PFAS: variants seen among roughly 807,000 people sequenced by gnomAD.
PFAS encodes the protein phosphoribosylformylglycinamidine synthase, also known as FGAM synthase.
Under a neutral mutation model 140.6 loss-of-function variants are expected in PFAS, and 97 were observed. That is an observed-to-expected ratio of 0.69 (90% CI 0.59 to 0.82). PFAS has a LOEUF of 0.82. PFAS is among the 40% of genes least tolerant of loss of function. The pLI, the probability that PFAS is intolerant of heterozygous loss-of-function variation, is 0.00. For synonymous variants in PFAS, 679 were observed against 718.8 expected, an observed-to-expected ratio of 0.94 and a Z score of 0.88; for missense variants, 1,656 against 1,780.2, an observed-to-expected ratio of 0.93 and a Z score of 1.26.
rs1448699383 is a variant in PFAS, at chr17:8,268,667, G to A, written c.3517G>A (p.Asp1173Asn). The change falls in exon 27 of 28, where the codon GAC (aspartate) becomes AAC (asparagine). Residue 1173 changes from aspartate to asparagine, a missense_variant. Around this residue, in one of 2 missense-constraint regions of PFAS, gnomAD observed 883 missense variants for 1,023.0 expected, o/e 0.86. Coordinates refer to ENST00000314666, the MANE Select transcript of PFAS (RefSeq NM_012393.3). ...GGCTCTGCTCGGCTGGGTGGGAGGC[G>A]ACCCCAATGAGGATGCTGCAGAGAT... ...LLALLGWVGGDPNEDAAEMGP... is the reference protein window; with the variant it reads ...LLALLGWVGGNPNEDAAEMGP... 22 of 1,613,510 alleles carry A rather than the reference G, an allele frequency of 1.4e-5. No homozygotes were observed. The Admixed American group carries it at 2.0e-4, about 15-fold the overall frequency.
chr17:8,248,062 AG>A (rs527394160), upstream of PFAS: 749 of 467,718 alleles, frequency 1.6e-3, 1 homozygote, highest in African/African-American at 0.032. Context: ...CGCCCCCGGG[AG>A]GGGCAGGTGC....
chr17:8,267,899 A>G lies in PFAS; in HGVS notation c.3382+234A>G, dbSNP rs887494904. On this transcript the variant is annotated intron_variant, in intron 26 of 27. Transcript: ENST00000314666. This position sits in a 1 kb window ranked among gnomAD's most constrained non-coding sequence, Gnocchi z 4.9. ...TTAAAATATATATTATTAAATATAT[A>G]TTATTTATATATATTATTTATATAT... 2.8e-5 allele frequency among the ~76,000 whole-genome samples: 3 copies of G among 105,758 alleles called. No individual in the cohort carries two copies. Among genetic ancestry groups the G allele is most frequent in the African/African-American group, 8.2e-5 (3 of 36,376 alleles). 69.4% of individuals were successfully genotyped at this position (105,758 alleles called of 152,430 possible). A position where few individuals can be genotyped will look rare whatever the true frequency, so the allele number is the denominator to read the frequency against.
rs1240588023 is a variant in PFAS at position 8,268,993 on chromosome 17, T to C, written c.3746T>C (p.Ile1249Thr). 2 of 1,614,186 alleles carry C rather than the reference T, an allele frequency of 1.2e-6. No individual in the cohort carries two copies. The highest frequency in any genetic ancestry group is 8.5e-7 in the Non-Finnish European group (1 of 1,180,020). Residue 1249 changes from isoleucine (I) to threonine (T), a missense_variant, in exon 28 of 28, where the codon ATT becomes ACT. Physicochemically the swap from Ile to Thr is moderately conservative, Grantham distance 89 (BLOSUM62 -1). Coordinates refer to ENST00000314666, the MANE Select transcript of PFAS (RefSeq NM_012393.3). ...AFSSPELQAQ[I>T]EARGLAPLHW... is the part of the protein sequence containing the mutation. Reference sequence around the variant, plus strand: ...TCTTCTCCGGAACTCCAAGCTCAGATTGAGGCCAGGGGCTTGGCTCCACTG... The same window carrying C: ...TCTTCTCCGGAACTCCAAGCTCAGACTGAGGCCAGGGGCTTGGCTCCACTG...
rs752434101 is a variant in PFAS, at chr17:8,264,941, G to C, written c.2096G>C (p.Gly699Ala). Reference sequence around the variant, plus strand: ...CTGGTGGCCCAGCAGCAGTGCGTGGGGCCCCTGCAAACTCCTCTGGCAGAT... The same window carrying C: ...CTGGTGGCCCAGCAGCAGTGCGTGGCGCCCCTGCAAACTCCTCTGGCAGAT... ...GGLVAQQQCV[G>A]PLQTPLADVA... Residue 699 changes from glycine (G) to alanine (A), a missense_variant, in exon 18 of 28, where the codon GGG becomes GCG. Transcript: ENST00000314666. 1 of 1,608,298 alleles carries C rather than the reference G, an allele frequency of 6.2e-7. No homozygotes were observed. The highest frequency in any genetic ancestry group is 8.5e-7 in the Non-Finnish European group (1 of 1,176,644).
At chr17:8,257,577 G>A (rs1220364902) in intron 9 of PFAS, among the ~76,000 whole-genome samples, 1 of 152,022 alleles carries the variant, frequency 6.6e-6, no homozygotes, top group African/African-American at 2.4e-5. Context: ...CAGAAAGCCT[G>A]TGTAACTCTG....
Position 8,255,130 on chromosome 17 carries a change from T to G in PFAS, c.382T>G (p.Ser128Ala). 1 of 1,604,188 alleles carries G rather than the reference T, an allele frequency of 6.2e-7. No homozygotes were observed. The highest frequency in any genetic ancestry group is 8.5e-7 in the Non-Finnish European group (1 of 1,172,152). The change falls in exon 4 of 28, where the codon TCG becomes GCG. Residue 128 changes from serine to alanine, a missense_variant and splice_region_variant. Ser to Ala is a moderately conservative substitution (Grantham distance 99, BLOSUM62 1). Coordinates refer to ENST00000314666, the MANE Select transcript of PFAS (RefSeq NM_012393.3). The part of the protein sequence containing the change: ...RVETTRRYRL[S>A]FAHPPSAEVE... ...GGAGACCACCCGGCGCTACCGGCTC[T>G]CGGTGAGGTGATGGGGAATCAGGAG...
Position 8,255,814 on chromosome 17 carries a change from T to G in PFAS, c.584T>G (p.Leu195Ter). The change falls in exon 6 of 28, where the codon TTA becomes TGA. Residue 195 changes from leucine to a stop codon, truncating the protein, a stop_gained. Transcript: ENST00000314666. LOFTEE classifies it high-confidence loss of function. ...TGGATTTGTCTCCTAGGTCTGGCTT[T>G]AGACTCTTGGGACCTAGACTTCTAC... ...EKANQELGLA[L>*]DSWDLDFYTK... The G allele has an allele frequency of 6.2e-7, 1 of 1,613,944 alleles. No individual in the cohort carries two copies. The highest frequency in any genetic ancestry group is 1.1e-5 in the South Asian group (1 of 91,084).
At chr17:8,255,976 A>G in intron 6 of PFAS, 66 bp downstream of exon 6, 1 of 1,239,144 alleles carries the variant, frequency 8.1e-7, no homozygotes, top group Non-Finnish European at 1.2e-6. Flanking sequence ...ACAGGGGCTC[A>G]CCTTCATGTT....
rs1162684948 is a variant in PFAS at position 8,264,937 on chromosome 17, G to A, written c.2092G>A (p.Val698Met). 3.7e-6 allele frequency: 6 copies of A among 1,607,072 alleles called. No homozygotes were observed. Among genetic ancestry groups the A allele is most frequent in the African/African-American group, 2.7e-5 (2 of 74,818 alleles). Residue 698 changes from valine (V) to methionine (M), a missense_variant, in exon 18 of 28, where the codon GTG becomes ATG. Physicochemically the swap from Val to Met is conservative, Grantham distance 21 (BLOSUM62 1). Around this residue, in one of 2 missense-constraint regions of PFAS, gnomAD observed 883 missense variants for 1,023.0 expected, o/e 0.86. Transcript: ENST00000314666. ...AGGCCTGGTGGCCCAGCAGCAGTGC[G>A]TGGGGCCCCTGCAAACTCCTCTGGC... The part of the protein sequence containing the change: ...VGGLVAQQQC[V>M]GPLQTPLADV...
Position 8,270,453 on chromosome 17 carries a change from C to T in PFAS, c.*1189C>T, listed in dbSNP as rs76597228. 1,212 of 152,318 alleles carry T rather than the reference C, an allele frequency of 8.0e-3. 10 individuals carry two copies. The highest frequency in any genetic ancestry group is 0.012 in the Non-Finnish European group (849 of 68,040). The allele number at this position is 152,318 out of a possible 1,614,324, so 9.4% of individuals were successfully genotyped here. A position where few individuals can be genotyped will look rare whatever the true frequency, so the allele number is the denominator to read the frequency against. ...TCAGCAAAGGACTTGATAGCCCCTC[C>T]CCGCCTTTTCAATAAAGGATGAATG... On this transcript the variant is annotated 3_prime_UTR_variant, in exon 28 of 28. Transcript: ENST00000314666.
chr17:8,259,132 A>C (rs1242277880), intron 11 of PFAS, among the ~76,000 whole-genome samples: 5 of 152,046 alleles, frequency 3.3e-5, no homozygotes, highest in African/African-American at 1.2e-4. Flanking sequence ...TGTCAAAAAA[A>C]AAAAAAAAGA....
intron 1 of PFAS, among the ~76,000 whole-genome samples, chr17:8,253,654 C>G (rs1194013635): frequency 6.6e-6 from 1 of 152,150 alleles, no homozygotes; most frequent in African/African-American, 2.4e-5. Context: ...GTTCTCCTGC[C>G]TCAGCCTCCC....
In PFAS at chr17:8,267,070, G is replaced by T. The variant is rs149496268; in HGVS notation, c.3010G>T (p.Val1004Phe). ...CGGGGCTGTGGTTCTGGAGGAGCCT[G>T]TTGGGGAGCTGCGAGCCCTCTGGGA... ...VNGAVVLEEP[V>F]GELRALWEET... Residue 1004 changes from valine (V) to phenylalanine (F), a missense_variant, in exon 24 of 28, where the codon GTT (valine) becomes TTT (phenylalanine). Around this residue, in one of 2 missense-constraint regions of PFAS, gnomAD observed 883 missense variants for 1,023.0 expected, o/e 0.86. Coordinates refer to ENST00000314666, the MANE Select transcript of PFAS (RefSeq NM_012393.3). The surrounding 1 kb of genome is among the most constrained non-coding windows in gnomAD (Gnocchi z 4.9). 1 of 1,614,080 alleles carries T rather than the reference G, an allele frequency of 6.2e-7. No homozygotes were observed. Among genetic ancestry groups the T allele is most frequent in the Non-Finnish European group, 8.5e-7 (1 of 1,180,018 alleles).
intron 11 of PFAS, among the ~76,000 whole-genome samples, chr17:8,259,340 A>G (rs1034860891): frequency 2.6e-5 from 4 of 152,004 alleles, no homozygotes; most frequent in African/African-American, 9.7e-5. Flanking sequence ...GTTCTGTCCT[A>G]GCTCACTGTG....
Position 8,264,990 on chromosome 17 carries a change from T to C in PFAS, c.2145T>C (p.His715=). ...ATGTAGCGGTTGTGGCACTGAGCCA[T>C]GAGGAGCTCATAGGGGCTGCCACAG... ...LADVAVVALS[H]EELIGAATAL... The change falls in exon 18 of 28, where the codon CAT becomes CAC. Residue 715 remains histidine, a synonymous_variant. Transcript: ENST00000314666. The C allele has an allele frequency of 6.2e-7, 1 of 1,613,476 alleles. No individual in the cohort carries two copies. The highest frequency in any genetic ancestry group is 1.1e-5 in the South Asian group (1 of 91,056).
intron 1 of PFAS, among the ~76,000 whole-genome samples, chr17:8,251,834 G>C (rs1989166432): frequency 6.6e-6 from 1 of 151,674 alleles, no homozygotes; most frequent in African/African-American, 2.4e-5. Context: ...ACCACGCCCG[G>C]CTAATTTTTT....
rs1306550795 is a variant in PFAS, at chr17:8,268,983, C to G, written c.3736C>G (p.Gln1246Glu). The stretch of plus-strand genomic sequence containing the variant: ...CGTAGCATTTTCTTCTCCGGAACTC[C>G]AAGCTCAGATTGAGGCCAGGGGCTT... ...GYVAFSSPEL[Q>E]AQIEARGLAP... Residue 1246 changes from glutamine (Q) to glutamate (E), a missense_variant, in exon 28 of 28, where the codon CAA becomes GAA. Physicochemically the swap from Gln to Glu is conservative, Grantham distance 29 (BLOSUM62 2). Around this residue, in one of 2 missense-constraint regions of PFAS, gnomAD observed 883 missense variants for 1,023.0 expected, o/e 0.86. Coordinates refer to ENST00000314666, the MANE Select transcript of PFAS (RefSeq NM_012393.3). 2.5e-6 allele frequency: 4 copies of G among 1,614,080 alleles called. No individual in the cohort carries two copies. In the African/African-American group the frequency reaches 5.3e-5, roughly 22 times the overall value.
rs756606491 is a variant in PFAS at position 8,256,952 on chromosome 17, T to A, written c.1064T>A (p.Leu355Gln). The A allele has an allele frequency of 6.2e-7, 1 of 1,614,202 alleles. No individual in the cohort carries two copies. Among genetic ancestry groups the A allele is most frequent in the South Asian group, 1.1e-5 (1 of 91,084 alleles). Residue 355 changes from leucine (L) to glutamine (Q), a missense_variant, in exon 9 of 28, where the codon CTG becomes CAG. By Grantham distance (113) the Leu-to-Gln change is moderately radical. This residue lies in a region of PFAS where 773 missense variants were observed against 757.3 expected (regional missense o/e 1.02). Transcript: ENST00000314666. Reference sequence around the variant, plus strand: ...ACTGCCGGCTATTGCTTTGGAAATCTGCATATTCCAGGTTCCATCTCCTTC... The same window carrying A: ...ACTGCCGGCTATTGCTTTGGAAATCAGCATATTCCAGGTTCCATCTCCTTC... ...AGTAGYCFGN[L>Q]HIPGYNLPWE... is the part of the protein sequence containing the mutation.
At position 8,270,023 on chromosome 17, in the gene PFAS, ACACACCAC is replaced by A. The variant is rs1989964238; in HGVS notation, c.*766_*773del. On this transcript the variant is annotated 3_prime_UTR_variant, in exon 28 of 28. Coordinates refer to ENST00000314666, the MANE Select transcript of PFAS (RefSeq NM_012393.3). Reference sequence around the variant, plus strand: ...CTCCCGAGTAGCTGGGAGTACAGGCACACACCACCACACCCAGCTAATTTTTGTATTTT... The same window carrying A: ...CTCCCGAGTAGCTGGGAGTACAGGCACACACCCAGCTAATTTTTGTATTTT... 1 of 152,002 alleles carries A rather than the reference ACACACCAC, an allele frequency of 6.6e-6. No individual in the cohort carries two copies. The highest frequency in any genetic ancestry group is 6.6e-5 in the Admixed American group (1 of 15,230). 9.4% of individuals were successfully genotyped at this position (152,002 alleles called of 1,614,324 possible). A position where few individuals can be genotyped will look rare whatever the true frequency, so the allele number is the denominator to read the frequency against.
Sources: gnomAD v4.1 joint callset for allele counts (sites outside exome capture counted in the v4.1 genomes callset) on GRCh38, gnomAD v4.1.1 for gene constraint, gnomAD v4.1.1 regional missense constraint, Gnocchi (gnomAD v3.1) non-coding constraint, MANE v1.5 for transcripts, NCBI Gene and HGNC (gene_info 2026-07-23, HGNC 2026-07-21) for gene names.